CPNE8: variants seen among roughly 807,000 people sequenced by gnomAD.
CPNE8 encodes copine 8.
CPNE8 carries 45 observed loss-of-function variants against 81.5 expected under a neutral mutation model. That is an observed-to-expected ratio of 0.55 (90% CI 0.44 to 0.71). The LOEUF (loss-of-function observed/expected upper bound fraction) is 0.71. Among genes scored for constraint, CPNE8 ranks in the 30% least tolerant of loss-of-function variants. CPNE8 has a pLI of 0.00. For missense variants in CPNE8, 594 were observed against 672.1 expected, an observed-to-expected ratio of 0.88 and a Z score of 1.28; for synonymous variants, 252 against 226.3, an observed-to-expected ratio of 1.11 and a Z score of -1.02.
intron 15 of CPNE8, among the ~76,000 whole-genome samples, chr12:38,690,446 G>C (rs1256856696): frequency 9.2e-5 from 14 of 152,122 alleles, no homozygotes; most frequent in Non-Finnish European, 7.4e-5. Flanking sequence ...TAATATTAAA[G>C]TTGAGGCATT....
chr12:38,703,790 T>C (rs1940015652), intron 13 of CPNE8, among the ~76,000 whole-genome samples: 1 of 152,294 alleles, frequency 6.6e-6, no homozygotes, highest in Admixed American at 6.5e-5. Context: ...AGCTTGTTTA[T>C]ATACCAATAA....
intron 14 of CPNE8, among the ~76,000 whole-genome samples, chr12:38,697,597 C>T (rs1189271954): frequency 6.6e-6 from 1 of 152,048 alleles, no homozygotes; most frequent in African/African-American, 2.4e-5. Flanking sequence ...TCTAAAGTGG[C>T]TGTACAATTT....
chr12:38,883,316 C>G (rs78667616), intron 1 of CPNE8, among the ~76,000 whole-genome samples: 17,350 of 152,038 alleles, frequency 0.11, 1,223 homozygotes, highest in African/African-American at 0.2. Flanking sequence ...CTATATCATT[C>G]AGAACAAAAT....
intron 1 of CPNE8, among the ~76,000 whole-genome samples, chr12:38,877,429 T>C (rs961800872): frequency 6.6e-6 from 1 of 152,090 alleles, no homozygotes; most frequent in Non-Finnish European, 1.5e-5. Context: ...ACTTGTCATC[T>C]GCTTGAGCTA....
intron 6 of CPNE8, among the ~76,000 whole-genome samples, chr12:38,810,150 CT>C (rs1337041376): frequency 6.6e-6 from 1 of 152,184 alleles, no homozygotes; most frequent in Non-Finnish European, 1.5e-5. Flanking sequence ...CCCTCTCTCT[CT>C]TTTAGTCCAA....
chr12:38,863,847 C>G (rs1033444664), intron 3 of CPNE8, among the ~76,000 whole-genome samples: 2 of 151,898 alleles, frequency 1.3e-5, no homozygotes. Flanking sequence ...GGTCGGAGAT[C>G]GAGACCATCC....
At chr12:38,871,792 A>G (rs1943995950) in intron 3 of CPNE8, among the ~76,000 whole-genome samples, 1 of 152,194 alleles carries the variant, frequency 6.6e-6, no homozygotes, top group African/African-American at 2.4e-5. Context: ...ACATAGCATA[A>G]AGATGATGAG....
At position 38,694,945 on chromosome 12, in the gene CPNE8, C is replaced by A. The variant is rs112393666; in HGVS notation, c.962-1107G>T. 5.5e-3 allele frequency among the ~76,000 whole-genome samples: 837 copies of A among 152,292 alleles called. 13 individuals are homozygous for A. Among genetic ancestry groups the A allele is most frequent in the African/African-American group, 0.019 (794 of 41,560 alleles). ...TTGGGTTATTTGACAGGTAATTATA[C>A]ACATAATATTTTTGTCCTAAAAACA... On this transcript the variant is annotated intron_variant, in intron 14 of 19. Coordinates refer to ENST00000331366, the MANE Select transcript of CPNE8 (RefSeq NM_153634.3).
At chr12:38,822,784 T>C (rs758499617) in intron 6 of CPNE8, among the ~76,000 whole-genome samples, 1 of 152,140 alleles carries the variant, frequency 6.6e-6, no homozygotes, top group Non-Finnish European at 1.5e-5. Flanking sequence ...AGTATAGATG[T>C]AAAAACGGCC....
intron 13 of CPNE8, among the ~76,000 whole-genome samples, chr12:38,722,357 G>A (rs995878839): frequency 1.3e-5 from 2 of 152,076 alleles, no homozygotes; most frequent in African/African-American, 4.8e-5. Flanking sequence ...CATTTTGGAT[G>A]CCCGTATATA....
rs767500561 is a variant in CPNE8, at chr12:38,762,255, C to G, written c.576-39G>C. On this transcript the variant is annotated intron_variant, in intron 8 of 19. Transcript: ENST00000331366. The stretch of plus-strand genomic sequence containing the variant: ...GTTTTCAGTTATTTGCATGCTTTGA[C>G]TATTTTAATTGATCTATTGTTTTAG... 3.3e-6 allele frequency: 4 copies of G among 1,200,504 alleles called. No homozygotes were observed. The South Asian group carries it at 5.4e-5, about 16-fold the overall frequency. 74.4% of individuals were successfully genotyped at this position (1,200,504 alleles called of 1,614,324 possible).
intron 11 of CPNE8, chr12:38,726,252 T>A (rs1940693719): frequency 7.0e-6 from 1 of 142,972 alleles, no homozygotes; most frequent in Non-Finnish European, 1.6e-5. Flanking sequence ...GGAAGCCCCA[T>A]TAAAAACGGC....
chr12:38,760,691 C>T (rs1941555414), intron 10 of CPNE8, among the ~76,000 whole-genome samples, 156 bp downstream of exon 10: 1 of 151,864 alleles, frequency 6.6e-6, no homozygotes, highest in African/African-American at 2.4e-5. Flanking sequence ...AGAAAATATG[C>T]TCATTTTAAA....
chr12:38,668,806 T>C lies in CPNE8; in HGVS notation c.1506+1923A>G, dbSNP rs570350715. ...GGCTCATGCCTATAATCCCAGCACA[T>C]TGGGAGGCCGAGGCGGGCGGATCAC... On this transcript the variant is annotated intron_variant, in intron 19 of 19. Transcript: ENST00000331366. 1.3e-4 allele frequency among the ~76,000 whole-genome samples: 20 copies of C among 152,000 alleles called. No individual in the cohort carries two copies. In the East Asian group the frequency reaches 1.4e-3, roughly 10 times the overall value.
At chr12:38,751,654 T>C (rs1941354993) in intron 10 of CPNE8, among the ~76,000 whole-genome samples, 1 of 152,136 alleles carries the variant, frequency 6.6e-6, no homozygotes, top group South Asian at 2.1e-4. Flanking sequence ...TCATTTTCAG[T>C]GATAGAGTTA....
At chr12:38,668,033 A>G (rs1417119160) in intron 19 of CPNE8, among the ~76,000 whole-genome samples, 1 of 152,176 alleles carries the variant, frequency 6.6e-6, no homozygotes, top group South Asian at 2.1e-4. Context: ...TCTTGACCTC[A>G]GGTGATCCTC....
chr12:38,807,382 T>C (rs1047414941), intron 6 of CPNE8, among the ~76,000 whole-genome samples: 14 of 150,326 alleles, frequency 9.3e-5, no homozygotes, highest in Non-Finnish European at 1.9e-4. Context: ...CAAAACAGCA[T>C]GGGACTAGTA....
intron 6 of CPNE8, among the ~76,000 whole-genome samples, chr12:38,798,386 G>T (rs1942559416): frequency 6.6e-6 from 1 of 152,096 alleles, no homozygotes; most frequent in African/African-American, 2.4e-5. Flanking sequence ...GACAGTGGGG[G>T]CCAATATTCA....
chr12:38,690,619 C>T (rs1406406391), intron 15 of CPNE8, among the ~76,000 whole-genome samples: 1 of 151,718 alleles, frequency 6.6e-6, no homozygotes, highest in Non-Finnish European at 1.5e-5. Flanking sequence ...GCAGTAGATA[C>T]TTGTATAGCT....
Sources: gnomAD v4.1 joint callset for allele counts (sites outside exome capture counted in the v4.1 genomes callset) on GRCh38, gnomAD v4.1.1 for gene constraint, MANE v1.5 for transcripts, NCBI Gene and HGNC (gene_info 2026-07-23, HGNC 2026-07-21) for gene names.